The following AGL variants were observed in gnomAD, a reference collection of about 807,000 sequenced individuals.
The protein encoded by AGL is glycogen debranching enzyme.
A neutral mutation model predicts 199.3 loss-of-function variants in AGL; 128 were observed. The observed-to-expected ratio is 0.64, with a 90% CI of 0.56 to 0.74. AGL has a LOEUF of 0.74. Ranked by LOEUF, AGL falls within the 30% of genes least tolerant of loss-of-function variation. The pLI, the probability that AGL is intolerant of heterozygous loss-of-function variation, is 0.00. For missense variants in AGL, 1,809 were observed against 1,820.8 expected (o/e 0.99, Z 0.12); for synonymous variants, 584 against 594.7 (o/e 0.98, Z 0.26).
chr1:99,905,352 C>G (rs1014688925), intron 27 of AGL, among the ~76,000 whole-genome samples: 10 of 151,622 alleles, frequency 6.6e-5, no homozygotes, highest in Non-Finnish European at 1.0e-4. Flanking sequence ...CATGCCACCA[C>G]AACTAGCTAA....
intron 27 of AGL, among the ~76,000 whole-genome samples, chr1:99,905,678 GTCC>G (rs1654230418): frequency 6.6e-6 from 1 of 152,064 alleles, no homozygotes; most frequent in Admixed American, 6.6e-5. Context: ...GGTTTAAGCA[GTCC>G]TCCTGCCTCA....
intron 5 of AGL, among the ~76,000 whole-genome samples, chr1:99,868,024 T>C (rs1301697643): frequency 6.6e-6 from 1 of 152,210 alleles, no homozygotes; most frequent in African/African-American, 2.4e-5. Context: ...CTTCTTATGC[T>C]GAATGCCCTA....
intron 2 of AGL, among the ~76,000 whole-genome samples, chr1:99,854,568 C>CTGGCT (rs1277430438): frequency 9.3e-5 from 14 of 150,648 alleles, no homozygotes; most frequent in African/African-American, 3.2e-4. Context: ...CGAGACTATC[C>CTGGCT]TGGCTAACAT....
chr1:99,914,568 C>G (rs769745616), intron 30 of AGL, among the ~76,000 whole-genome samples: 15 of 152,126 alleles, frequency 9.9e-5, no homozygotes, highest in Non-Finnish European at 2.1e-4. Flanking sequence ...TAAAAGTACA[C>G]AAAGGTAGCT....
At chr1:99,872,115 G>A (rs557463350) in intron 7 of AGL, among the ~76,000 whole-genome samples, 1 of 152,156 alleles carries the variant, frequency 6.6e-6, no homozygotes, top group African/African-American at 2.4e-5. Context: ...ATAGCAATAT[G>A]CTATTTTTAA....
At position 99,902,672 on chromosome 1, in the gene AGL, G is replaced by A. The variant is rs764270083; in HGVS notation, c.3589-11G>A. 1.3e-6 allele frequency: 2 copies of A among 1,599,476 alleles called. No individual in the cohort carries two copies. Among genetic ancestry groups the A allele is most frequent in the South Asian group, 2.2e-5 (2 of 90,780 alleles). ...TTCTAACAGAGGTAACACCCATTAT[G>A]TCTCAAACAGGATCAGCCATTGTTT... On this transcript the variant is annotated splice_polypyrimidine_tract_variant and intron_variant, in intron 26 of 33. Coordinates refer to ENST00000361915, the MANE Select transcript of AGL (RefSeq NM_000642.3).
Position 99,885,624 on chromosome 1 carries a change from A to G in AGL, c.2681+921A>G, listed in dbSNP as rs183757420. ...TGCCTCCTGTCAGATCAGTGGCTGC[A>G]TTAGATTCTCATAGGGACGTGAACC... On this transcript the variant is annotated intron_variant, in intron 20 of 33. Transcript: ENST00000361915. 3.9e-5 allele frequency among the ~76,000 whole-genome samples: 6 copies of G among 152,276 alleles called. No individual in the cohort carries two copies. The East Asian group carries it at 9.7e-4, about 25-fold the overall frequency.
At chr1:99,876,348 CTT>C (rs1651528516) in intron 10 of AGL, 108 bp from the exon 11 acceptor site, 7 of 871,508 alleles carry the variant, frequency 8.0e-6, no homozygotes, top group Non-Finnish European at 1.0e-5. Context: ...TAGCATCAAA[CTT>C]ATTTTATTCT....
chr1:99,896,271 T>A lies in AGL; in HGVS notation c.3260-15T>A, dbSNP rs772059039. The A allele has an allele frequency of 7.6e-6, 12 of 1,582,132 alleles. No individual in the cohort carries two copies. In the Admixed American group the frequency reaches 2.0e-4, roughly 26 times the overall value. On this transcript the variant is annotated splice_polypyrimidine_tract_variant and intron_variant, in intron 24 of 33. Transcript: ENST00000361915. The stretch of plus-strand genomic sequence containing the variant: ...TTATGATTAACATATTACTTTGTTG[T>A]GTTTTTTTTGTTAGGCTTACCTCAT...
At chr1:99,859,087 CAG>C (rs35740001) in intron 2 of AGL, among the ~76,000 whole-genome samples, 2,410 of 152,210 alleles carry the variant, frequency 0.016, 34 homozygotes, top group Non-Finnish European at 0.025. Flanking sequence ...ATAAACTTAA[CAG>C]GGGACAGGTT....
intron 27 of AGL, among the ~76,000 whole-genome samples, chr1:99,904,930 G>A (rs518500): frequency 0.61 from 93,185 of 152,040 alleles, 28,797 homozygotes; most frequent in Non-Finnish European, 0.66. Context: ...TAAAGCTACT[G>A]TGAACATTCA....
In AGL at chr1:99,910,729, G is replaced by A; in HGVS notation, c.3718G>A (p.Gly1240Arg). The change falls in exon 28 of 34, where the codon GGA becomes AGA. Residue 1240 changes from glycine (G) to arginine (R), a missense_variant. Physicochemically the swap from Gly to Arg is moderately radical, Grantham distance 125 (BLOSUM62 -2). Coordinates refer to ENST00000361915, the MANE Select transcript of AGL (RefSeq NM_000642.3). ...MKDEGFNITA[G>R]VDEETGFVYG... ...TTTTTTAGGTTTTAATATAACTGCAGGAGTTGATGAAGAAACAGGATTTGT... is the reference window on the plus strand; with the variant it reads ...TTTTTTAGGTTTTAATATAACTGCAAGAGTTGATGAAGAAACAGGATTTGT... 6.2e-7 allele frequency: 1 copy of A among 1,606,310 alleles called. No individual in the cohort carries two copies. Among genetic ancestry groups the A allele is most frequent in the Non-Finnish European group, 8.5e-7 (1 of 1,173,644 alleles).
intron 30 of AGL, among the ~76,000 whole-genome samples, chr1:99,913,978 T>G (rs1654934847): frequency 6.6e-6 from 1 of 152,008 alleles, no homozygotes; most frequent in African/African-American, 2.4e-5. Context: ...TTCCTAGAGT[T>G]TTTCACATTC....
intron 14 of AGL, 74 bp downstream of exon 14, chr1:99,880,869 A>C (rs1459553603): frequency 6.6e-7 from 1 of 1,512,090 alleles, no homozygotes; most frequent in Non-Finnish European, 9.2e-7. Context: ...ACTTGGTCAC[A>C]ATCATACCCA....
At chr1:99,856,492 A>T (rs1649475164) in intron 2 of AGL, among the ~76,000 whole-genome samples, 1 of 147,538 alleles carries the variant, frequency 6.8e-6, no homozygotes. Context: ...TTTCTCGCAG[A>T]GGGGGATTTG....
In AGL at chr1:99,874,835, AAAT is replaced by A. The variant is rs751938393; in HGVS notation, c.1082+33_1082+35del. ...AGTATGTAATGTGTTTTTTTCTGTG[AAAT>A]AATAATATTACTTACAAACCTTTAT... On this transcript the variant is annotated intron_variant, in intron 8 of 33. Transcript: ENST00000361915. 42 of 1,609,672 alleles carry A rather than the reference AAAT, an allele frequency of 2.6e-5. No individual in the cohort carries two copies. In the African/African-American group the frequency reaches 3.5e-4, roughly 13 times the overall value.
At chr1:99,864,882 C>G (rs1650376643) in intron 5 of AGL, among the ~76,000 whole-genome samples, 1 of 152,188 alleles carries the variant, frequency 6.6e-6, no homozygotes, top group South Asian at 2.1e-4. Flanking sequence ...TTTCAACTTA[C>G]AGTACAGTAG....
chr1:99,875,030 A>T, intron 8 of AGL, 124 bp from the exon 9 acceptor site: 1 of 1,047,728 alleles, frequency 9.5e-7, no homozygotes, highest in African/African-American at 1.6e-5. Flanking sequence ...GGAAAACATC[A>T]TCAGCCATAA....
chr1:99,891,987 C>T (rs1045238805), intron 23 of AGL, among the ~76,000 whole-genome samples: 1 of 152,074 alleles, frequency 6.6e-6, no homozygotes, highest in Non-Finnish European at 1.5e-5. Flanking sequence ...TATATTGTTT[C>T]TATGTATTCA....
Sources: gnomAD v4.1 joint callset for allele counts (sites outside exome capture counted in the v4.1 genomes callset) on GRCh38, gnomAD v4.1.1 for gene constraint, MANE v1.5 for transcripts, NCBI Gene and HGNC (gene_info 2026-07-23, HGNC 2026-07-21) for gene names.